Variants in BRINP3 observed in about 807,000 individuals in gnomAD.
The protein encoded by BRINP3 is BMP/retinoic acid-inducible neural-specific protein 3.
In BRINP3, 19 loss-of-function variants were observed where a neutral mutation model predicts 71.0. That is an observed-to-expected ratio of 0.27 (90% CI 0.19 to 0.39). BRINP3 has a LOEUF of 0.39. Among genes scored for constraint, BRINP3 ranks in the 10% least tolerant of loss-of-function variants. BRINP3 has a pLI of 1.00. For missense variants in BRINP3, 959 were observed against 940.8 expected (o/e 1.02, Z -0.25); for synonymous variants, 380 against 337.7 (o/e 1.13, Z -1.37).
At chr1:190,177,696 T>G (rs1285809888) in intron 6 of BRINP3, among the ~76,000 whole-genome samples, 2 of 152,146 alleles carry the variant, frequency 1.3e-5, no homozygotes, top group Non-Finnish European at 2.9e-5. Context: ...AATTTATAAT[T>G]AATTTGACAA....
At chr1:190,309,278 A>C (rs2103020181) in intron 2 of BRINP3, among the ~76,000 whole-genome samples, 1 of 151,974 alleles carries the variant, frequency 6.6e-6, no homozygotes, top group East Asian at 1.9e-4. Flanking sequence ...GTAGAATGGT[A>C]GTTGTCGGGA....
intron 7 of BRINP3, among the ~76,000 whole-genome samples, chr1:190,106,751 G>A (rs984976581): frequency 6.6e-6 from 1 of 151,528 alleles, no homozygotes; most frequent in Non-Finnish European, 1.5e-5. Flanking sequence ...CCCAGTGAGT[G>A]GTAGACATTT....
At chr1:190,170,300 T>G (rs1651902419) in intron 6 of BRINP3, among the ~76,000 whole-genome samples, 1 of 152,034 alleles carries the variant, frequency 6.6e-6, no homozygotes, top group Non-Finnish European at 1.5e-5. Flanking sequence ...AGGAAAGAAT[T>G]TTATATTTCT....
intron 4 of BRINP3, among the ~76,000 whole-genome samples, chr1:190,262,914 T>C (rs1303509804): frequency 1.3e-5 from 2 of 151,962 alleles, no homozygotes; most frequent in African/African-American, 4.8e-5. Flanking sequence ...TGTGTGTGTA[T>C]ATATATATAT....
chr1:190,316,303 G>A (rs1016950621), intron 2 of BRINP3, among the ~76,000 whole-genome samples: 2 of 152,072 alleles, frequency 1.3e-5, no homozygotes, highest in African/African-American at 4.8e-5. Flanking sequence ...TCATTTTAGA[G>A]GTGAGAAATC....
At chr1:190,404,465 G>A (rs1183125123) in intron 2 of BRINP3, among the ~76,000 whole-genome samples, 1 of 152,110 alleles carries the variant, frequency 6.6e-6, no homozygotes, top group African/African-American at 2.4e-5. Context: ...CTCACGACGT[G>A]TTATTTATTG....
intron 1 of BRINP3, among the ~76,000 whole-genome samples, chr1:190,465,112 C>T (rs1053701320): frequency 1.3e-5 from 2 of 151,672 alleles, no homozygotes; most frequent in African/African-American, 4.8e-5. Flanking sequence ...TCTTAAGAGC[C>T]CCAAATACAA....
intron 1 of BRINP3, among the ~76,000 whole-genome samples, chr1:190,458,078 T>A (rs1676126196): frequency 6.6e-6 from 1 of 152,140 alleles, no homozygotes; most frequent in Admixed American, 6.5e-5. Flanking sequence ...TGCAGAGAAC[T>A]ACCTAACAAT....
Position 190,186,641 on chromosome 1 carries a change from C to T in BRINP3, c.962-25751G>A, listed in dbSNP as rs371576218. On this transcript the variant is annotated intron_variant, in intron 6 of 7. Coordinates refer to ENST00000367462, the MANE Select transcript of BRINP3 (RefSeq NM_199051.3). The stretch of plus-strand genomic sequence containing the variant: ...CCTGAGTGCCTTTCCAAAACACAAA[C>T]CCTATTTATTTCACATTTTAATCTT... Among the ~76,000 whole-genome samples, 24 of 152,006 alleles carry T rather than the reference C, an allele frequency of 1.6e-4. 1 individual carries two copies. Among genetic ancestry groups the T allele is most frequent in the African/African-American group, 5.8e-4 (24 of 41,388 alleles).
intron 7 of BRINP3, among the ~76,000 whole-genome samples, chr1:190,142,528 T>C (rs750765782): frequency 3.9e-5 from 6 of 152,186 alleles, no homozygotes; most frequent in Admixed American, 6.5e-5. Context: ...TATTGATCTC[T>C]GTTTTTACAG....
intron 7 of BRINP3, among the ~76,000 whole-genome samples, chr1:190,106,612 A>G (rs2102264593): frequency 6.6e-6 from 1 of 151,700 alleles, no homozygotes; most frequent in Non-Finnish European, 1.5e-5. Flanking sequence ...AAGCAAGTGC[A>G]GACTTAAACT....
intron 2 of BRINP3, among the ~76,000 whole-genome samples, chr1:190,379,685 A>T (rs1179124413): frequency 6.6e-6 from 1 of 152,128 alleles, no homozygotes; most frequent in East Asian, 1.9e-4. Context: ...GAGACAATTA[A>T]TAAAGAAATC....
rs963475971 is a variant in BRINP3, at chr1:190,459,586, C to T, written c.-50-4646G>A. Reference sequence around the variant, plus strand: ...TGTCATAGTGGTGCATCTTTTAAACCTCAGTATCTTATTATCCACAACTGA... The same window carrying T: ...TGTCATAGTGGTGCATCTTTTAAACTTCAGTATCTTATTATCCACAACTGA... On this transcript the variant is annotated intron_variant, in intron 1 of 7. Coordinates refer to ENST00000367462, the MANE Select transcript of BRINP3 (RefSeq NM_199051.3). Among the ~76,000 whole-genome samples the T allele has an allele frequency of 2.0e-5, 3 of 151,904 alleles. No homozygotes were observed. The South Asian group carries it at 6.2e-4, about 31-fold the overall frequency.
chr1:190,381,781 T>C (rs1670565209), intron 2 of BRINP3, among the ~76,000 whole-genome samples: 1 of 152,180 alleles, frequency 6.6e-6, no homozygotes, highest in African/African-American at 2.4e-5. Context: ...CACGGATGAC[T>C]TGTAGGTCCT....
intron 6 of BRINP3, among the ~76,000 whole-genome samples, chr1:190,205,379 T>C (rs1393906404): frequency 6.6e-6 from 1 of 152,006 alleles, no homozygotes; most frequent in Non-Finnish European, 1.5e-5. Context: ...TGATCTCAGA[T>C]GGGTAGGAGG....
intron 4 of BRINP3, among the ~76,000 whole-genome samples, chr1:190,259,615 AAAATAAATAAATAAATAAATAAATAAAT>A (rs144685496): frequency 0.15 from 20,979 of 140,098 alleles, 2,014 homozygotes; most frequent in South Asian, 0.28. Flanking sequence ...AATTAGGCAA[AAAATAAATAAATAAATAAATAAATAAAT>A]AAATAAATAA....
chr1:190,463,010 A>T (rs1440811592), intron 1 of BRINP3, among the ~76,000 whole-genome samples: 1 of 152,004 alleles, frequency 6.6e-6, no homozygotes, highest in Non-Finnish European at 1.5e-5. Flanking sequence ...TTTATTTTAA[A>T]ACATGTACTG....
chr1:190,306,503 A>G (rs181293656), intron 2 of BRINP3, among the ~76,000 whole-genome samples: 164 of 152,058 alleles, frequency 1.1e-3, no homozygotes, highest in African/African-American at 3.0e-3. Context: ...ACTGTATATT[A>G]CCTCTTCAAG....
chr1:190,112,037 A>C (rs1652740469), intron 7 of BRINP3, among the ~76,000 whole-genome samples: 2 of 152,206 alleles, frequency 1.3e-5, no homozygotes, highest in Non-Finnish European at 2.9e-5. Context: ...ATAAATAGAT[A>C]AAAGGGTGAA....
Sources: allele counts gnomAD v4.1 joint callset (sites outside exome capture counted in the v4.1 genomes callset), GRCh38; gene constraint gnomAD v4.1.1; transcripts MANE v1.5; gene names NCBI Gene and HGNC (gene_info 2026-07-23, HGNC 2026-07-21).